The following WNK3 variants were observed in gnomAD, a reference collection of about 807,000 sequenced individuals.
WNK3 encodes WNK lysine deficient protein kinase 3, also known as serine/threonine-protein kinase WNK3.
A neutral mutation model predicts 116.7 loss-of-function variants in WNK3; 18 were observed. The observed-to-expected ratio is 0.15, with a 90% CI of 0.11 to 0.23. The LOEUF is 0.23. Among genes scored for constraint, WNK3 ranks in the 10% least tolerant of loss-of-function variants. The pLI is 1.00. For synonymous variants in WNK3, 404 were observed against 469.4 expected (o/e 0.86, Z 1.80); for missense variants, 993 against 1,323.8 (o/e 0.75, Z 3.88).
exon 2 of WNK3, chrX:54,333,705 G>A: frequency 2.7e-6 from 3 of 1,106,441 alleles, no homozygotes; most frequent in Non-Finnish European, 3.6e-6. Context: ...AATTTTTCCT[G>A]TTTCTACTCT....
intron 10 of WNK3, among the ~76,000 whole-genome samples, chrX:54,290,157 T>G (rs2068623338): frequency 9.0e-6 from 1 of 110,691 alleles, no homozygotes; most frequent in African/African-American, 3.3e-5. Flanking sequence ...GCTCCTATAG[T>G]CCCAGCTACT....
chrX:54,219,595 T>C (rs2067737995), intron 22 of WNK3, among the ~76,000 whole-genome samples: 2 of 97,625 alleles, frequency 2.0e-5, no homozygotes, highest in Admixed American at 2.4e-4. Context: ...GGAGAATCAC[T>C]TGAACCCGGG....
intron 10 of WNK3, among the ~76,000 whole-genome samples, chrX:54,271,108 A>G (rs2068378751): frequency 8.9e-6 from 1 of 112,164 alleles, no homozygotes; most frequent in South Asian, 3.7e-4. Context: ...GAGGAAATAA[A>G]AGATCCATAC....
At chrX:54,333,530 A>G in exon 2 of WNK3, 1 of 1,211,705 alleles carries the variant, frequency 8.3e-7, no homozygotes, top group Admixed American at 2.2e-5. Flanking sequence ...TTTCCCCAGA[A>G]GCAGAGAAGG....
intron 2 of WNK3, among the ~76,000 whole-genome samples, chrX:54,325,679 C>CAAA (rs57064020): frequency 2.7e-4 from 3 of 11,309 alleles, no homozygotes; most frequent in Non-Finnish European, 4.5e-4. Flanking sequence ...AACTCCCTCT[C>CAAA]AAAAAAAAAA....
At chrX:54,212,192 C>T (rs2067623787) in intron 22 of WNK3, among the ~76,000 whole-genome samples, 1 of 112,415 alleles carries the variant, frequency 8.9e-6, no homozygotes, top group Admixed American at 9.5e-5. Context: ...CGCTACTGCA[C>T]TCCAGCCTGT....
chrX:54,209,841 G>A (rs983616685), intron 22 of WNK3, among the ~76,000 whole-genome samples: 2 of 110,776 alleles, frequency 1.8e-5, no homozygotes, highest in Non-Finnish European at 3.8e-5. Context: ...ATGAGCCACC[G>A]CACCTGGCCA....
chrX:54,219,228 A>C (rs1406412704), intron 22 of WNK3, among the ~76,000 whole-genome samples: 1 of 111,729 alleles, frequency 9.0e-6, no homozygotes, highest in Non-Finnish European at 1.9e-5. Flanking sequence ...TCTTTAAAGA[A>C]GACAAAAAAT....
intron 2 of WNK3, among the ~76,000 whole-genome samples, chrX:54,332,298 A>G (rs782488118): frequency 7.1e-5 from 8 of 112,143 alleles, no homozygotes; most frequent in Non-Finnish European, 1.1e-4. Flanking sequence ...TTTCTTCCAG[A>G]GATACTCTCT....
exon 24 of WNK3, chrX:54,197,769 C>T (rs1163426004): frequency 9.3e-6 from 1 of 107,838 alleles, no homozygotes; most frequent in Non-Finnish European, 1.9e-5. Context: ...TACACCAAAA[C>T]GTTTCCTGCA....
chrX:54,298,814 G>C (rs1557166899), intron 6 of WNK3, among the ~76,000 whole-genome samples: 1 of 111,840 alleles, frequency 8.9e-6, no homozygotes, highest in Non-Finnish European at 1.9e-5. Context: ...CTCAGCAAAG[G>C]GAACCAAAAA....
At position 54,350,541 on chromosome X, in the gene WNK3, A is replaced by G. The variant is rs2069501974; in HGVS notation, c.-120+7145T>C. Among the ~76,000 whole-genome samples, 5 of 112,239 alleles carry G rather than the reference A, an allele frequency of 4.5e-5. No individual in the cohort carries two copies. The Admixed American group carries it at 4.8e-4, about 11-fold the overall frequency. On this transcript the variant is annotated intron_variant, in intron 1 of 23. Coordinates refer to ENST00000354646, the Ensembl canonical transcript of WNK3. ...ACCATTTTTCATCTATCAGGATGCA[A>G]AAAATAAATATCTGTTAAGTTTGAG... is the stretch of plus-strand genomic sequence containing the variant.
Position 54,279,387 on chromosome X carries a change from A to G in WNK3, c.2037+13501T>C, listed in dbSNP as rs1206824117. 5.4e-5 allele frequency among the ~76,000 whole-genome samples: 6 copies of G among 111,193 alleles called. No homozygotes were observed. In the East Asian group the frequency reaches 1.7e-3, roughly 32 times the overall value. On this transcript the variant is annotated intron_variant, in intron 10 of 23. Transcript: ENST00000354646. ...TATAACCAGCCTGGGCAACACAGGG[A>G]GACCCGTCTCTACACAGATTAAAAA...
intron 10 of WNK3, among the ~76,000 whole-genome samples, chrX:54,280,547 T>C (rs1185925281): frequency 1.8e-5 from 2 of 111,316 alleles, no homozygotes; most frequent in Non-Finnish European, 3.8e-5. Context: ...AATAATAACT[T>C]AGGAAAAAAC....
At chrX:54,225,742 A>T (rs2067828868) in intron 22 of WNK3, among the ~76,000 whole-genome samples, 1 of 111,136 alleles carries the variant, frequency 9.0e-6, no homozygotes, top group South Asian at 3.8e-4. Context: ...AAATTGATAT[A>T]TAGAGTCAAT....
At chrX:54,216,712 C>A (rs1271379913) in intron 22 of WNK3, among the ~76,000 whole-genome samples, 1 of 111,877 alleles carries the variant, frequency 8.9e-6, no homozygotes, top group Admixed American at 9.6e-5. Context: ...GGTTGTCTTA[C>A]AAACTGTCTG....
chrX:54,208,265 C>T (rs1173375077), intron 22 of WNK3, among the ~76,000 whole-genome samples: 3 of 110,540 alleles, frequency 2.7e-5, no homozygotes, highest in Non-Finnish European at 5.7e-5. Flanking sequence ...GCTGGGACTA[C>T]AGGTGCCCGC....
chrX:54,230,891 C>G (rs1485750576), intron 21 of WNK3, among the ~76,000 whole-genome samples: 2 of 112,499 alleles, frequency 1.8e-5, no homozygotes, highest in Non-Finnish European at 3.8e-5. Context: ...ACTTCTCTGG[C>G]CATGCTTACT....
At chrX:54,255,082 C>G (rs927171986) in intron 12 of WNK3, among the ~76,000 whole-genome samples, 1 of 110,356 alleles carries the variant, frequency 9.1e-6, no homozygotes, top group African/African-American at 3.3e-5. Context: ...TGGGTTCAAG[C>G]GATTCTCCTG....
Sources: gnomAD v4.1 joint callset for allele counts (sites outside exome capture counted in the v4.1 genomes callset) on GRCh38, gnomAD v4.1.1 for gene constraint, MANE v1.5 for transcripts, NCBI Gene and HGNC (gene_info 2026-07-23, HGNC 2026-07-21) for gene names.